Variants in ATP6V0A1 observed in about 807,000 individuals in gnomAD.
The protein encoded by ATP6V0A1 is V-type proton ATPase 116 kDa subunit a 1.
ATP6V0A1 carries 43 observed loss-of-function variants against 105.4 expected under a neutral mutation model. The ratio of observed to expected loss-of-function variants is 0.41; its 90% CI spans 0.32 to 0.53. The LOEUF (loss-of-function observed/expected upper bound fraction) is 0.53, where lower values mean the gene tolerates loss of function less well. ATP6V0A1 is among the 20% of genes least tolerant of loss of function. ATP6V0A1 has a pLI of 0.30. For missense variants in ATP6V0A1, 676 were observed against 1,051.1 expected (o/e 0.64, Z 4.93); for synonymous variants, 362 against 372.8 (o/e 0.97, Z 0.33).
chr17:42,462,805 G>T (rs1003282785), intron 2 of ATP6V0A1, among the ~76,000 whole-genome samples: 3 of 151,190 alleles, frequency 2.0e-5, no homozygotes, highest in Non-Finnish European at 2.9e-5. Context: ...AGAGATGGGG[G>T]TCTCGCCATG....
chr17:42,505,943 ACGC>A (rs2091995535), intron 17 of ATP6V0A1, among the ~76,000 whole-genome samples: 1 of 150,376 alleles, frequency 6.6e-6, no homozygotes, highest in South Asian at 2.1e-4. Context: ...GCCCACCTCT[ACGC>A]CCAACTAATT....
In ATP6V0A1 at chr17:42,495,528, A is replaced by T. The variant is rs374348398; in HGVS notation, c.1470-98A>T. On this transcript the variant is annotated intron_variant, in intron 13 of 21. Transcript: ENST00000343619. ...TCCCCTCCCATTTTATTGAAGAGAC[A>T]AGATAGCTACAGTAATTTATTTTGG... is the stretch of plus-strand genomic sequence containing the variant. 3.3e-6 allele frequency: 3 copies of T among 921,232 alleles called. No individual in the cohort carries two copies. The East Asian group carries it at 7.8e-5, about 24-fold the overall frequency. The allele number at this position is 921,232 out of a possible 1,614,324, so 57.1% of individuals were successfully genotyped here. A position where few individuals can be genotyped will look rare whatever the true frequency, so the allele number is the denominator to read the frequency against.
chr17:42,509,062 C>T (rs2092205037), intron 19 of ATP6V0A1, among the ~76,000 whole-genome samples: 1 of 151,606 alleles, frequency 6.6e-6, no homozygotes, highest in African/African-American at 2.4e-5. Flanking sequence ...CCCTCCTCAG[C>T]TTGATGATGC....
intron 14 of ATP6V0A1, among the ~76,000 whole-genome samples, chr17:42,498,224 G>A (rs560294232): frequency 3.3e-5 from 5 of 152,160 alleles, no homozygotes; most frequent in Admixed American, 2.0e-4. Context: ...CAAAAAGAGC[G>A]AAATTCCATC....
chr17:42,473,377 C>T (rs2088262724), intron 5 of ATP6V0A1, among the ~76,000 whole-genome samples: 1 of 152,178 alleles, frequency 6.6e-6, no homozygotes, highest in Non-Finnish European at 1.5e-5. Context: ...ATAATGAGCA[C>T]CTACTTATTG....
At position 42,495,699 on chromosome 17, in the gene ATP6V0A1, C is replaced by A. The variant is rs767551542; in HGVS notation, c.1543C>A (p.Pro515Thr). 8 of 1,613,720 alleles carry A rather than the reference C, an allele frequency of 5.0e-6. No individual in the cohort carries two copies. The highest frequency in any genetic ancestry group is 2.2e-5 in the East Asian group (1 of 44,880). The change falls in exon 14 of 22, where the codon CCT becomes ACT. Residue 515 changes from proline (P) to threonine (T), a missense_variant. By Grantham distance (38) the Pro-to-Thr change is conservative. Around this residue, in one of 3 missense-constraint regions of ATP6V0A1, gnomAD observed 435 missense variants for 642.2 expected, o/e 0.68. Coordinates refer to ENST00000343619, the MANE Select transcript of ATP6V0A1 (RefSeq NM_001130021.3). ...CCCTGGAGTGTTTGGTGGACCATACCCTTTTGGCATTGATCCAGTAAGAGG... is the reference window on the plus strand; with the variant it reads ...CCCTGGAGTGTTTGGTGGACCATACACTTTTGGCATTGATCCAGTAAGAGG... ...ALPGVFGGPY[P>T]FGIDPIWNIA...
At position 42,487,130 on chromosome 17, in the gene ATP6V0A1, T is replaced by C. The variant is rs755514681; in HGVS notation, c.811-25T>C. On this transcript the variant is annotated intron_variant, in intron 9 of 21. Coordinates refer to ENST00000343619, the MANE Select transcript of ATP6V0A1 (RefSeq NM_001130021.3). Reference sequence around the variant, plus strand: ...CTAAAACTGGTGTTAAAAGGATCCCTCGCTTGTTCCTTTTCTCCCCAAAGG... The same window carrying C: ...CTAAAACTGGTGTTAAAAGGATCCCCCGCTTGTTCCTTTTCTCCCCAAAGG... 2.5e-6 allele frequency: 4 copies of C among 1,610,820 alleles called. No individual in the cohort carries two copies. The Admixed American group carries it at 6.7e-5, about 27-fold the overall frequency.
chr17:42,508,499 T>G (rs2092161580), intron 18 of ATP6V0A1, 73 bp from the exon 19 acceptor site: 1 of 1,586,130 alleles, frequency 6.3e-7, no homozygotes, highest in Non-Finnish European at 8.7e-7. Context: ...AAGCATTCAG[T>G]AGCCTTGTGC....
At chr17:42,496,266 T>A (rs373523720) in intron 14 of ATP6V0A1, 1 of 152,136 alleles carries the variant, frequency 6.6e-6, no homozygotes, top group Non-Finnish European at 1.5e-5. Flanking sequence ...TCTGGGAAGA[T>A]TGATTTTTCA....
chr17:42,507,449 C>T (rs1378407137), intron 17 of ATP6V0A1, 71 bp from the exon 18 acceptor site: 9 of 1,087,664 alleles, frequency 8.3e-6, no homozygotes, highest in South Asian at 1.4e-5. Flanking sequence ...TACTAACCAT[C>T]GCCCTTCCCA....
chr17:42,515,195 G>A (rs2092558799), intron 21 of ATP6V0A1, among the ~76,000 whole-genome samples: 3 of 152,042 alleles, frequency 2.0e-5, no homozygotes, highest in South Asian at 4.1e-4. Flanking sequence ...GGCTGGGCAC[G>A]GTGGCTCATG....
At chr17:42,499,981 A>G (rs2091529094) in intron 15 of ATP6V0A1, among the ~76,000 whole-genome samples, 1 of 151,256 alleles carries the variant, frequency 6.6e-6, no homozygotes, top group African/African-American at 2.4e-5. Flanking sequence ...CACACCTGTA[A>G]TGCCAGCACT....
intron 3 of ATP6V0A1, among the ~76,000 whole-genome samples, chr17:42,467,533 T>A (rs1224303190): frequency 6.6e-6 from 1 of 152,236 alleles, no homozygotes; most frequent in African/African-American, 2.4e-5. Flanking sequence ...TTTTGTTTTT[T>A]ATGCTTAAAA....
chr17:42,468,588 C>G (rs1567810204), intron 4 of ATP6V0A1, among the ~76,000 whole-genome samples: 1 of 152,184 alleles, frequency 6.6e-6, no homozygotes, highest in Non-Finnish European at 1.5e-5. Context: ...CTCCCTACCT[C>G]TATGAGATCA....
intron 8 of ATP6V0A1, among the ~76,000 whole-genome samples, chr17:42,482,689 G>A (rs1212655995): frequency 6.6e-6 from 1 of 151,804 alleles, no homozygotes. Flanking sequence ...CTAAGGTCAG[G>A]AGTTCGAGAT....
At chr17:42,496,790 C>G (rs763392416) in intron 14 of ATP6V0A1, among the ~76,000 whole-genome samples, 3 of 151,886 alleles carry the variant, frequency 2.0e-5, no homozygotes, top group African/African-American at 4.8e-5. Flanking sequence ...GAGCCCAGAT[C>G]GTGCCACTGC....
chr17:42,473,084 C>T (rs1451893002), intron 5 of ATP6V0A1, among the ~76,000 whole-genome samples: 2 of 152,156 alleles, frequency 1.3e-5, no homozygotes, highest in Non-Finnish European at 2.9e-5. Context: ...AGGGGAAAAA[C>T]TCATATGAAT....
At chr17:42,519,411 G>A in intron 21 of ATP6V0A1, 1 of 152,242 alleles carries the variant, frequency 6.6e-6, no homozygotes, top group East Asian at 1.9e-4. Context: ...CCTAGGTAAT[G>A]GCCTGGGACC....
At chr17:42,462,152 C>T (rs963993992) in intron 2 of ATP6V0A1, among the ~76,000 whole-genome samples, 6 of 149,780 alleles carry the variant, frequency 4.0e-5, no homozygotes, top group African/African-American at 1.5e-4. Flanking sequence ...GAGGTCGAGG[C>T]TGTAGTGAGC....
Sources: allele counts gnomAD v4.1 joint callset (sites outside exome capture counted in the v4.1 genomes callset), GRCh38; gene constraint gnomAD v4.1.1; regional missense constraint gnomAD v4.1.1; transcripts MANE v1.5; gene names NCBI Gene and HGNC (gene_info 2026-07-23, HGNC 2026-07-21).